PEMT: variants seen among roughly 807,000 people sequenced by gnomAD.
PEMT encodes the protein phosphatidylethanolamine N-methyltransferase.
PEMT carries 23 observed loss-of-function variants against 27.4 expected under a neutral mutation model. The ratio of observed to expected loss-of-function variants is 0.84; its 90% confidence interval spans 0.60 to 1.19. The LOEUF is 1.19. Ranked by LOEUF, PEMT falls within the 50% of genes most tolerant of loss-of-function variation. The pLI is 0.00. For missense variants in PEMT, 307 were observed against 310.1 expected, an observed-to-expected ratio of 0.99 and a Z score of 0.07; for synonymous variants, 137 against 139.1, an observed-to-expected ratio of 0.98 and a Z score of 0.11.
chr17:17,528,107 C>T lies in PEMT; in HGVS notation c.205-5712G>A, dbSNP rs1390306843. Among the ~76,000 whole-genome samples the T allele has an allele frequency of 3.3e-5, 5 of 152,230 alleles. No individual in the cohort carries two copies. The East Asian group carries it at 5.8e-4, about 18-fold the overall frequency. On this transcript the variant is annotated intron_variant, in intron 2 of 6. Transcript: ENST00000255389. Reference sequence around the variant, plus strand: ...TTCCACGAGCTTTGCCAAGGGCCCACGGAACCACTGAAGGAGCCCATCCCT... The same window carrying T: ...TTCCACGAGCTTTGCCAAGGGCCCATGGAACCACTGAAGGAGCCCATCCCT...
In PEMT at chr17:17,561,273, G is replaced by A. The variant is rs1285700262; in HGVS notation, c.204+15647C>T. On this transcript the variant is annotated intron_variant, in intron 2 of 6. Coordinates refer to ENST00000255389, the MANE Select transcript of PEMT (RefSeq NM_148172.3). The surrounding 1 kb of genome is among the most constrained non-coding windows in gnomAD (Gnocchi z 4.5). ...CACATCCTCACACGACCCAGGAGGTGGAACCTACAGGTAACCCTCTTTCAC... is the reference window on the plus strand; with the variant it reads ...CACATCCTCACACGACCCAGGAGGTAGAACCTACAGGTAACCCTCTTTCAC... Among the ~76,000 whole-genome samples the A allele has an allele frequency of 6.6e-6, 1 of 152,176 alleles. No homozygotes were observed. The highest frequency in any genetic ancestry group is 1.5e-5 in the Non-Finnish European group (1 of 68,034).
chr17:17,566,293 C>T (rs376993705), intron 2 of PEMT, among the ~76,000 whole-genome samples: 54 of 152,288 alleles, frequency 3.5e-4, no homozygotes, highest in African/African-American at 1.2e-3. Flanking sequence ...GCGGGTTGTG[C>T]GTGATCCCAG....
intron 2 of PEMT, among the ~76,000 whole-genome samples, chr17:17,553,666 G>C (rs1909833810): frequency 6.6e-6 from 1 of 152,230 alleles, no homozygotes; most frequent in South Asian, 2.1e-4. Context: ...TCCCACGCGT[G>C]GCCTTCTCGC....
chr17:17,586,786 T>C lies in PEMT; in HGVS notation c.96+4745A>G, dbSNP rs112037912. ...GGGAGGCTGAAGCAGGCAGATTACT[T>C]GAGGTCAGGAGTTCAAGACCAGCCC... On this transcript the variant is annotated intron_variant, in intron 1 of 6. Transcript: ENST00000255389. Among the ~76,000 whole-genome samples, 217 of 152,200 alleles carry C rather than the reference T, an allele frequency of 1.4e-3. 1 individual carries two copies. The highest frequency in any genetic ancestry group is 6.8e-3 in the Middle Eastern group (2 of 294).
intron 2 of PEMT, among the ~76,000 whole-genome samples, chr17:17,524,368 G>T (rs141221201): frequency 6.6e-6 from 1 of 152,268 alleles, no homozygotes; most frequent in Non-Finnish European, 1.5e-5. Flanking sequence ...TGCCACAGTG[G>T]CTGCCCCATT....
intron 2 of PEMT, among the ~76,000 whole-genome samples, chr17:17,565,517 A>G (rs1280591361): frequency 1.3e-5 from 2 of 152,228 alleles, no homozygotes; most frequent in Non-Finnish European, 2.9e-5. Flanking sequence ...CCTAAGTCTC[A>G]CTGTGCCACG....
intron 4 of PEMT, among the ~76,000 whole-genome samples, chr17:17,509,931 C>T (rs527362689): frequency 2.0e-5 from 3 of 152,270 alleles, no homozygotes; most frequent in African/African-American, 4.8e-5. Context: ...CTGCTCATGG[C>T]GCCTCTTTAT....
chr17:17,553,123 G>A (rs370253700), intron 2 of PEMT, among the ~76,000 whole-genome samples: 1 of 152,228 alleles, frequency 6.6e-6, no homozygotes, highest in East Asian at 1.9e-4. Flanking sequence ...CACACACGGT[G>A]TCCTCAGGGA....
rs991915377 is a variant in PEMT, at chr17:17,543,568, C to CT, written c.205-21174dup. Among the ~76,000 whole-genome samples, 46 of 147,186 alleles carry CT rather than the reference C, an allele frequency of 3.1e-4. 1 individual carries two copies. The highest frequency in any genetic ancestry group is 8.2e-4 in the African/African-American group (33 of 40,310). ...GACAAAGGGCAAAATCCAGCTTGTG[C>CT]TTTTTTTTTTTAAGATGGAGTTTTG... is the stretch of plus-strand genomic sequence containing the variant. On this transcript the variant is annotated intron_variant, in intron 2 of 6. Transcript: ENST00000255389.
At chr17:17,584,106 T>A (rs1165824486) in intron 1 of PEMT, among the ~76,000 whole-genome samples, 2 of 152,226 alleles carry the variant, frequency 1.3e-5, no homozygotes, top group Non-Finnish European at 2.9e-5. Context: ...GCCTCCACGC[T>A]GGGCTGCCTC....
chr17:17,591,926 G>C, upstream of PEMT: 4 of 985,452 alleles, frequency 4.1e-6, no homozygotes, highest in Non-Finnish European at 4.8e-6. Context: ...CCCGCCCAGT[G>C]CCTTTGGTCG....
chr17:17,583,205 C>T (rs12325817), intron 1 of PEMT, among the ~76,000 whole-genome samples: 2 of 151,954 alleles, frequency 1.3e-5, no homozygotes, highest in East Asian at 1.9e-4. Context: ...GGTGACACTC[C>T]GTCTCTACTA....
chr17:17,516,611 C>G (rs1348535524), intron 3 of PEMT, among the ~76,000 whole-genome samples: 1 of 152,192 alleles, frequency 6.6e-6, no homozygotes, highest in Non-Finnish European at 1.5e-5. Context: ...GAATCCCAGG[C>G]TGACACCCAC....
chr17:17,555,232 C>A (rs112370185), intron 2 of PEMT, among the ~76,000 whole-genome samples: 1 of 152,132 alleles, frequency 6.6e-6, no homozygotes, highest in Non-Finnish European at 1.5e-5. Context: ...TGTACCCACC[C>A]CCAAGAAGAA....
intron 2 of PEMT, among the ~76,000 whole-genome samples, chr17:17,526,999 C>G (rs1375687492): frequency 6.6e-6 from 1 of 152,122 alleles, no homozygotes; most frequent in Non-Finnish European, 1.5e-5. Context: ...AAATTTCCTA[C>G]GCATCCTTGA....
intron 2 of PEMT, among the ~76,000 whole-genome samples, chr17:17,569,850 C>T (rs1911067829): frequency 6.6e-6 from 1 of 152,218 alleles, no homozygotes; most frequent in South Asian, 2.1e-4. Context: ...CAACACAGGG[C>T]ATGGCAGGGC....
chr17:17,553,592 G>C (rs537300793), intron 2 of PEMT, among the ~76,000 whole-genome samples: 6 of 152,266 alleles, frequency 3.9e-5, no homozygotes, highest in South Asian at 2.1e-4. Context: ...ACAAGCCCAC[G>C]ATGGGCCCGC....
intron 2 of PEMT, among the ~76,000 whole-genome samples, chr17:17,563,937 G>A (rs1910657763): frequency 6.6e-6 from 1 of 152,212 alleles, no homozygotes; most frequent in Admixed American, 6.5e-5. Flanking sequence ...CACAGGGCTT[G>A]TGAGGCCCTC....
At chr17:17,589,731 C>T (rs1912498370) in intron 1 of PEMT, among the ~76,000 whole-genome samples, 2 of 152,188 alleles carry the variant, frequency 1.3e-5, no homozygotes, top group South Asian at 4.1e-4. Context: ...AGAGCTACCA[C>T]ATAAGCAAAT....
Sources: allele counts gnomAD v4.1 joint callset (sites outside exome capture counted in the v4.1 genomes callset), GRCh38; gene constraint gnomAD v4.1.1; non-coding constraint Gnocchi (gnomAD v3.1); transcripts MANE v1.5; gene names NCBI Gene and HGNC (gene_info 2026-07-23, HGNC 2026-07-21).